Variants in ANGEL1 observed in about 807,000 individuals in gnomAD.
ANGEL1 encodes angel homolog 1, also known as RNA 2',3'-cyclic phosphatase ANGEL1.
A neutral mutation model predicts 76.4 loss-of-function variants in ANGEL1; 62 were observed. The ratio of observed to expected loss-of-function variants is 0.81; its 90% CI spans 0.66 to 1.00. ANGEL1 has a LOEUF of 1.00. ANGEL1 is among the 50% of genes least tolerant of loss of function. The pLI, the probability that ANGEL1 is intolerant of heterozygous loss-of-function variation, is 0.00. For missense variants in ANGEL1, 737 were observed against 836.7 expected (o/e 0.88, Z 1.47); for synonymous variants, 340 against 331.7 (o/e 1.03, Z -0.27).
chr14:76,812,319 T>G, intron 1 of ANGEL1: 1 of 1,003,078 alleles, frequency 1.0e-6, no homozygotes, highest in Non-Finnish European at 1.2e-6. Flanking sequence ...GGAAGATCGG[T>G]GCGTCCAGTA....
chr14:76,792,562 G>C (rs1310425241), intron 7 of ANGEL1, among the ~76,000 whole-genome samples: 1 of 151,976 alleles, frequency 6.6e-6, no homozygotes, highest in African/African-American at 2.4e-5. Flanking sequence ...TTTATCCTAG[G>C]AATGTAAGCA....
intron 7 of ANGEL1, among the ~76,000 whole-genome samples, chr14:76,800,683 G>A (rs762758762): frequency 2.6e-5 from 4 of 152,128 alleles, no homozygotes; most frequent in Non-Finnish European, 4.4e-5. Flanking sequence ...TAAGAAGTCC[G>A]AAGTCTTCTG....
chr14:76,804,044 A>C, intron 5 of ANGEL1, 132 bp from the exon 6 acceptor site: 2 of 1,574,402 alleles, frequency 1.3e-6, no homozygotes, highest in Non-Finnish European at 1.7e-6. Context: ...AAACAAGCAT[A>C]TAAGTCTCAG....
chr14:76,809,989 A>G, intron 1 of ANGEL1: 1 of 379,190 alleles, frequency 2.6e-6, no homozygotes, highest in South Asian at 2.1e-5. Flanking sequence ...TACTATTAAC[A>G]AACTCTTTGG....
At chr14:76,801,884 C>T (rs968506893) in intron 7 of ANGEL1, among the ~76,000 whole-genome samples, 5 of 152,046 alleles carry the variant, frequency 3.3e-5, no homozygotes, top group South Asian at 2.1e-4. Context: ...TGGCCCAGCG[C>T]GGTGGCTCAC....
chr14:76,806,725 C>T lies in ANGEL1; in HGVS notation c.1071G>A (p.Glu357=), dbSNP rs144540966. Residue 357 remains glutamate, a synonymous_variant, in exon 5 of 10, where the codon GAG becomes GAA. Coordinates refer to ENST00000251089, the MANE Select transcript of ANGEL1 (RefSeq NM_015305.4). The part of the protein sequence containing the change: ...SPVEYFRPGL[E]LLNRDNVGLV... ...AGCCCACATTATCCCGATTAAGTAG[C>T]TCCAAGCCAGGCCGGAAGTACTCCA... is the stretch of plus-strand genomic sequence containing the variant. 177 of 1,613,910 alleles carry T rather than the reference C, an allele frequency of 1.1e-4. No homozygotes were observed. Among genetic ancestry groups the T allele is most frequent in the African/African-American group, 1.3e-4 (10 of 74,868 alleles).
rs201802123 is a variant in ANGEL1 at position 76,789,318 on chromosome 14, G to A, written c.1923C>T (p.Leu641=). 5 of 1,614,230 alleles carry A rather than the reference G, an allele frequency of 3.1e-6. No homozygotes were observed. In the East Asian group the frequency reaches 1.1e-4, roughly 36 times the overall value. ...GRLSLLSEEI[L]WAANGLPNPF... ...GGTTGGGTAAGCCATTGGCAGCCCA[G>A]AGTATCTCTTCAGAGAGAAGGGAGA... The change falls in exon 10 of 10, where the codon CTC becomes CTT. Residue 641 remains leucine, a synonymous_variant. Transcript: ENST00000251089.
At chr14:76,795,546 G>C (rs904177807) in intron 7 of ANGEL1, among the ~76,000 whole-genome samples, 4 of 152,034 alleles carry the variant, frequency 2.6e-5, no homozygotes, top group African/African-American at 7.2e-5. Flanking sequence ...TTCTCTCTCT[G>C]TGCTTTGTAA....
Position 76,812,846 on chromosome 14 carries a change from G to C in ANGEL1, c.-19C>G, listed in dbSNP as rs141955840. 6 of 1,502,930 alleles carry C rather than the reference G, an allele frequency of 4.0e-6. No individual in the cohort carries two copies. The highest frequency in any genetic ancestry group is 5.3e-6 in the Non-Finnish European group (6 of 1,129,538). 93.1% of individuals were successfully genotyped at this position (1,502,930 alleles called of 1,614,324 possible). On this transcript the variant is annotated 5_prime_UTR_variant, in exon 1 of 10. Coordinates refer to ENST00000251089, the MANE Select transcript of ANGEL1 (RefSeq NM_015305.4). The stretch of plus-strand genomic sequence containing the variant: ...CGATCATGGCCGGCCGCCCGCGCCC[G>C]CCTCCGCTCCTCACTGCAGCCAGCA...
intron 5 of ANGEL1, chr14:76,804,418 G>A (rs1894855564): frequency 2.0e-6 from 2 of 999,756 alleles, no homozygotes; most frequent in Admixed American, 5.9e-5. Flanking sequence ...TGAGCAGCCT[G>A]GGAACGGACA....
chr14:76,812,780 G>A lies in ANGEL1; in HGVS notation c.48C>T (p.Leu16=). Residue 16 remains leucine, a synonymous_variant, in exon 1 of 10, where the codon CTC becomes CTT. Coordinates refer to ENST00000251089, the MANE Select transcript of ANGEL1 (RefSeq NM_015305.4). ...LCYLLLPATR[L]FRALSDAFFT... ...GGCCGGTACCTGAGAGGGCGCGGAA[G>A]AGGCGCGTGGCCGGCAGCAGCAGGT... 1 of 1,522,708 alleles carries A rather than the reference G, an allele frequency of 6.6e-7. No homozygotes were observed. Among genetic ancestry groups the A allele is most frequent in the South Asian group, 1.2e-5 (1 of 81,988 alleles). The allele number at this position is 1,522,708 out of a possible 1,614,324, so 94.3% of individuals were successfully genotyped here.
At chr14:76,810,069 C>T in intron 1 of ANGEL1, 1 of 391,288 alleles carries the variant, frequency 2.6e-6, no homozygotes, top group East Asian at 7.4e-5. Flanking sequence ...TGATCTAGCA[C>T]CAAAATTAAT....
In ANGEL1 at chr14:76,809,191, G is replaced by A. The variant is rs371753180; in HGVS notation, c.517C>T (p.Gln173Ter). 6.2e-7 allele frequency: 1 copy of A among 1,613,678 alleles called. No homozygotes were observed. Among genetic ancestry groups the A allele is most frequent in the Non-Finnish European group, 8.5e-7 (1 of 1,179,848 alleles). The change falls in exon 2 of 10, where the codon CAG becomes TAG. Residue 173 changes from glutamine to a stop codon, truncating the protein, a stop_gained. Coordinates refer to ENST00000251089, the MANE Select transcript of ANGEL1 (RefSeq NM_015305.4). LOFTEE classifies it high-confidence loss of function. ...AACACCGCTGGGTCCTCTTCCCACT[G>A]CTCTGTGGCCAGGGCACCCACTGGG... ...ALPVGALATE[Q>*]WEEDPAVLAW...
Position 76,809,245 on chromosome 14 carries a change from C to G in ANGEL1, c.463G>C (p.Glu155Gln). ...SMWAAIPMQSEPQYADCAALP... is the reference protein window; with the variant it reads ...SMWAAIPMQSQPQYADCAALP... ...GCAGCACAGTCTGCATACTGGGGCT[C>G]CGACTGCATGGGGATAGCTGCCCAC... Residue 155 changes from glutamate (E) to glutamine (Q), a missense_variant, in exon 2 of 10, where the codon GAG (glutamate) becomes CAG (glutamine). By Grantham distance (29) the Glu-to-Gln change is conservative. Coordinates refer to ENST00000251089, the MANE Select transcript of ANGEL1 (RefSeq NM_015305.4). The G allele has an allele frequency of 6.2e-7, 1 of 1,613,138 alleles. No individual in the cohort carries two copies. The highest frequency in any genetic ancestry group is 8.5e-7 in the Non-Finnish European group (1 of 1,179,528).
intron 1 of ANGEL1, among the ~76,000 whole-genome samples, chr14:76,811,008 T>C (rs1895067217): frequency 6.6e-6 from 1 of 152,220 alleles, no homozygotes. Context: ...GGTTCAAATA[T>C]CTTGTTTGGG....
intron 7 of ANGEL1, among the ~76,000 whole-genome samples, chr14:76,794,877 G>C (rs937852784): frequency 2.0e-5 from 3 of 151,912 alleles, no homozygotes; most frequent in African/African-American, 7.3e-5. Flanking sequence ...TTATCTTAAT[G>C]CTTAATGCTG....
chr14:76,812,610 G>A (rs970618382), intron 1 of ANGEL1, 154 bp downstream of exon 1: 21 of 1,306,070 alleles, frequency 1.6e-5, no homozygotes, highest in Non-Finnish European at 2.0e-5. Context: ...GGGGCCCGCG[G>A]GGCAGGGGCT....
chr14:76,800,903 G>A (rs1894741570), intron 7 of ANGEL1, among the ~76,000 whole-genome samples: 1 of 151,980 alleles, frequency 6.6e-6, no homozygotes, highest in Non-Finnish European at 1.5e-5. Context: ...AACCCAGGAG[G>A]CAGATGTTGC....
intron 5 of ANGEL1, chr14:76,804,491 A>G (rs1894858289): frequency 2.0e-6 from 2 of 980,094 alleles, no homozygotes; most frequent in South Asian, 4.7e-5. Flanking sequence ...GTGTGTAGCA[A>G]AAGTCCCTTT....
Sources: allele counts gnomAD v4.1 joint callset (sites outside exome capture counted in the v4.1 genomes callset), GRCh38; gene constraint gnomAD v4.1.1; transcripts MANE v1.5; gene names NCBI Gene and HGNC (gene_info 2026-07-23, HGNC 2026-07-21).